The following CHRNB3 variants were observed in gnomAD, a reference collection of about 807,000 sequenced individuals.
CHRNB3 encodes the protein neuronal acetylcholine receptor subunit beta-3.
Under a neutral mutation model 40.6 loss-of-function variants are expected in CHRNB3, and 37 were observed. The ratio of observed to expected loss-of-function variants is 0.91; its 90% CI spans 0.70 to 1.20. CHRNB3 has a LOEUF of 1.20. Ranked by LOEUF, CHRNB3 falls within the 50% of genes most tolerant of loss-of-function variation. The probability of loss-of-function intolerance (pLI) is 0.00; values close to 1 mark genes in which losing one functional copy is unlikely to be tolerated. For missense variants in CHRNB3, 505 were observed against 551.2 expected (o/e 0.92, Z 0.84); for synonymous variants, 207 against 207.1 (o/e 1.00, Z 0.00).
chr8:42,714,552 T>TA lies in CHRNB3; in HGVS notation c.249+4128dup, dbSNP rs546154469. 3.1e-3 allele frequency among the ~76,000 whole-genome samples: 458 copies of TA among 146,848 alleles called. 4 individuals carry two copies. Among genetic ancestry groups the TA allele is most frequent in the African/African-American group, 0.011 (430 of 40,028 alleles). ...TATGGATTAAAGAAAGCTGAATGATTAAAAAAAAAACCATGAAAAGAAAAC... is the reference window on the plus strand; with the variant it reads ...TATGGATTAAAGAAAGCTGAATGATTAAAAAAAAAAACCATGAAAAGAAAAC... On this transcript the variant is annotated intron_variant, in intron 3 of 5. Transcript: ENST00000289957.
rs74393066 is a variant in CHRNB3, at chr8:42,713,964, G to A, written c.249+3530G>A. Among the ~76,000 whole-genome samples the A allele has an allele frequency of 1.6e-3, 243 of 152,274 alleles. 9 individuals carry two copies. The East Asian group carries it at 0.043, about 27-fold the overall frequency. Reference sequence around the variant, plus strand: ...CAGGAGGAGCCAAAGCAGGAGAAACGAAGCTTCACATTCCAGAAAACTACA... The same window carrying A: ...CAGGAGGAGCCAAAGCAGGAGAAACAAAGCTTCACATTCCAGAAAACTACA... On this transcript the variant is annotated intron_variant, in intron 3 of 5. Transcript: ENST00000289957.
chr8:42,710,054 T>C (rs1409277122), intron 2 of CHRNB3, among the ~76,000 whole-genome samples: 3 of 152,264 alleles, frequency 2.0e-5, no homozygotes, highest in Non-Finnish European at 4.4e-5. Flanking sequence ...TTTGACTATT[T>C]ATATGCCATT....
Position 42,732,273 on chromosome 8 carries a change from C to T in CHRNB3, c.966C>T (p.His322=). The T allele has an allele frequency of 2.5e-6, 4 of 1,609,880 alleles. No individual in the cohort carries two copies. Among genetic ancestry groups the T allele is most frequent in the Non-Finnish European group, 3.4e-6 (4 of 1,178,910 alleles). The stretch of plus-strand genomic sequence containing the variant: ...CCGTGTTTGTCATTAACGTTCACCA[C>T]AGATCTTCTTCCACGTACCACCCCA... ...IVTVFVINVH[H]RSSSTYHPMA... The change falls in exon 5 of 6, where the codon CAC becomes CAT. Residue 322 remains histidine, a synonymous_variant. Coordinates refer to ENST00000289957, the MANE Select transcript of CHRNB3 (RefSeq NM_000749.5).
intron 1 of CHRNB3, among the ~76,000 whole-genome samples, chr8:42,708,379 T>C (rs1238346703): frequency 6.6e-6 from 1 of 151,838 alleles, no homozygotes; most frequent in Non-Finnish European, 1.5e-5. Context: ...GGCAGGAGAA[T>C]GGCATGAACC....
chr8:42,712,902 C>A (rs1157609268), intron 3 of CHRNB3, among the ~76,000 whole-genome samples: 1 of 145,806 alleles, frequency 6.9e-6, no homozygotes, highest in Non-Finnish European at 1.5e-5. Context: ...CACTCTGTCG[C>A]CCAGGCTAGA....
chr8:42,734,519 G>T (rs1018106276), intron 5 of CHRNB3, among the ~76,000 whole-genome samples: 1 of 149,738 alleles, frequency 6.7e-6, no homozygotes. Context: ...TTCCGGGTTC[G>T]TGCCATTCTC....
rs775277253 is a variant in CHRNB3, at chr8:42,732,204, C to A, written c.897C>A (p.Tyr299Ter). The change falls in exon 5 of 6, where the codon TAC becomes TAA. Residue 299 changes from tyrosine to a stop codon, truncating the protein, a stop_gained. Coordinates refer to ENST00000289957, the MANE Select transcript of CHRNB3 (RefSeq NM_000749.5). LOFTEE classifies it high-confidence loss of function. ...AAGTCATTCCTCTCATTGGAGAGTA[C>A]CTGCTGTTCATCATGATTTTTGTGA... Reference protein sequence around the residue: ...SSKVIPLIGEYLLFIMIFVTL... With the variant: ...SSKVIPLIGE 2 of 1,609,574 alleles carry A rather than the reference C, an allele frequency of 1.2e-6. No individual in the cohort carries two copies. The highest frequency in any genetic ancestry group is 1.7e-6 in the Non-Finnish European group (2 of 1,178,408).
intron 3 of CHRNB3, among the ~76,000 whole-genome samples, chr8:42,729,294 C>A (rs865951001): frequency 3.9e-5 from 6 of 151,994 alleles, no homozygotes; most frequent in South Asian, 4.1e-4. Flanking sequence ...CCTGTAGTCC[C>A]AGCTACTCAG....
chr8:42,732,227 T>A lies in CHRNB3; in HGVS notation c.920T>A (p.Val307Glu). ...TACCTGCTGTTCATCATGATTTTTG[T>A]GACCCTGTCCATCATTGTTACCGTG... ...GEYLLFIMIF[V>E]TLSIIVTVFV... Residue 307 changes from valine (V) to glutamate (E), a missense_variant, in exon 5 of 6, where the codon GTG (valine) becomes GAG (glutamate). Transcript: ENST00000289957. 6.2e-7 allele frequency: 1 copy of A among 1,611,290 alleles called. No homozygotes were observed. The highest frequency in any genetic ancestry group is 1.1e-5 in the South Asian group (1 of 90,486).
intron 1 of CHRNB3, among the ~76,000 whole-genome samples, chr8:42,703,372 C>A (rs1485611762): frequency 6.9e-6 from 1 of 145,800 alleles, no homozygotes; most frequent in Non-Finnish European, 1.5e-5. Flanking sequence ...TGCCGTGAGC[C>A]AAGATCATGC....
chr8:42,734,570 C>T (rs1816488493), intron 5 of CHRNB3, among the ~76,000 whole-genome samples: 1 of 151,526 alleles, frequency 6.6e-6, no homozygotes, highest in Non-Finnish European at 1.5e-5. Flanking sequence ...CAGGCACCCG[C>T]CACCACGCCT....
chr8:42,715,976 CTT>C (rs34401500), intron 3 of CHRNB3, among the ~76,000 whole-genome samples: 6 of 124,180 alleles, frequency 4.8e-5, no homozygotes, highest in Admixed American at 8.8e-5. Flanking sequence ...TTAAACTGAC[CTT>C]TTTTTTTTTT....
intron 5 of CHRNB3, among the ~76,000 whole-genome samples, chr8:42,733,592 CTTTTTTTT>C (rs1208342996): frequency 2.0e-5 from 2 of 101,048 alleles, no homozygotes; most frequent in Admixed American, 1.4e-4. Context: ...CATCCTTCTT[CTTTTTTTT>C]TTTTTTTTTT....
At chr8:42,722,206 T>A (rs1258492451) in intron 3 of CHRNB3, among the ~76,000 whole-genome samples, 1 of 152,074 alleles carries the variant, frequency 6.6e-6, no homozygotes, top group Non-Finnish European at 1.5e-5. Context: ...AAACCCCATC[T>A]GTACTAAAAA....
intron 3 of CHRNB3, among the ~76,000 whole-genome samples, chr8:42,716,379 A>G (rs573151713): frequency 2.0e-5 from 3 of 152,152 alleles, no homozygotes; most frequent in Non-Finnish European, 4.4e-5. Flanking sequence ...CTCAATCCGT[A>G]TTTCCTGAGA....
chr8:42,700,011 TTTC>T (rs1357945195), intron 1 of CHRNB3, among the ~76,000 whole-genome samples: 5 of 151,460 alleles, frequency 3.3e-5, no homozygotes, highest in African/African-American at 7.3e-5. Flanking sequence ...TCTTCAATAA[TTTC>T]TTTTCTTTTT....
chr8:42,698,715 A>C (rs999384086), intron 1 of CHRNB3, among the ~76,000 whole-genome samples: 1 of 152,244 alleles, frequency 6.6e-6, no homozygotes, highest in Non-Finnish European at 1.5e-5. Context: ...AAAAATGATA[A>C]GAAAATTCTG....
At position 42,736,681 on chromosome 8, in the gene CHRNB3, G is replaced by T; in HGVS notation, c.*63G>T. 6.3e-7 allele frequency: 1 copy of T among 1,584,436 alleles called. No individual in the cohort carries two copies. The highest frequency in any genetic ancestry group is 1.1e-5 in the South Asian group (1 of 89,406). On this transcript the variant is annotated 3_prime_UTR_variant, in exon 6 of 6. Transcript: ENST00000289957. ...CTGACATCTGGCTATCACACAGACAGAATCCAAATGCATGTGCTTGTTCTA... is the reference window on the plus strand; with the variant it reads ...CTGACATCTGGCTATCACACAGACATAATCCAAATGCATGTGCTTGTTCTA...
rs151276042 is a variant in CHRNB3 at position 42,698,888 on chromosome 8, T to A, written c.52+1290T>A. 4.6e-5 allele frequency among the ~76,000 whole-genome samples: 7 copies of A among 152,330 alleles called. No homozygotes were observed. In the East Asian group the frequency reaches 1.3e-3, roughly 29 times the overall value. On this transcript the variant is annotated intron_variant, in intron 1 of 5. Transcript: ENST00000289957. ...CATAAACTCTCTTGGTTCAGCTAAG[T>A]CTCGTCCTCTGTGTACAATCATGAT... is the stretch of plus-strand genomic sequence containing the variant.
Sources: gnomAD v4.1 joint callset for allele counts (sites outside exome capture counted in the v4.1 genomes callset) on GRCh38, gnomAD v4.1.1 for gene constraint, MANE v1.5 for transcripts, NCBI Gene and HGNC (gene_info 2026-07-23, HGNC 2026-07-21) for gene names.